Variants in PALS1 observed in about 807,000 individuals in gnomAD.
PALS1 encodes the protein protein PALS1.
A neutral mutation model predicts 78.9 loss-of-function variants in PALS1; 31 were observed. The ratio of observed to expected loss-of-function variants is 0.39; its 90% CI spans 0.30 to 0.53. PALS1 has a LOEUF of 0.53. PALS1 is among the 20% of genes least tolerant of loss of function. The pLI is 0.67. For synonymous variants in PALS1, 276 were observed against 270.9 expected (o/e 1.02, Z -0.18); for missense variants, 704 against 826.5 (o/e 0.85, Z 1.82).
chr14:67,317,028 G>A (rs964668356), intron 10 of PALS1, 125 bp downstream of exon 10: 6 of 667,172 alleles, frequency 9.0e-6, no homozygotes, highest in Non-Finnish European at 1.5e-5. Flanking sequence ...AGGCAAAACT[G>A]ATTATCTCAG....
chr14:67,329,790 T>A (rs908854752), intron 14 of PALS1, among the ~76,000 whole-genome samples: 2 of 151,836 alleles, frequency 1.3e-5, no homozygotes, highest in African/African-American at 4.8e-5. Flanking sequence ...GCCGAGTTCG[T>A]GCTACTGCAC....
intron 1 of PALS1, among the ~76,000 whole-genome samples, chr14:67,246,980 A>G (rs1440382661): frequency 6.6e-6 from 1 of 152,176 alleles, no homozygotes; most frequent in Non-Finnish European, 1.5e-5. Flanking sequence ...TCTTCACATT[A>G]GGTAATGTGA....
At chr14:67,265,456 T>C (rs1220551521) in intron 1 of PALS1, among the ~76,000 whole-genome samples, 1 of 151,848 alleles carries the variant, frequency 6.6e-6, no homozygotes, top group African/African-American at 2.4e-5. Context: ...CACAGGAGGC[T>C]GAGGTGGGAG....
At chr14:67,251,327 G>A (rs1463124372) in intron 1 of PALS1, among the ~76,000 whole-genome samples, 1 of 152,184 alleles carries the variant, frequency 6.6e-6, no homozygotes, top group Non-Finnish European at 1.5e-5. Context: ...GAGCCCAGGA[G>A]TTTGAGACCA....
intron 13 of PALS1, among the ~76,000 whole-genome samples, chr14:67,322,369 T>C (rs2085275371): frequency 1.3e-5 from 2 of 152,098 alleles, no homozygotes; most frequent in African/African-American, 2.4e-5. Context: ...CAAAAAAACC[T>C]AATTTTAGAA....
chr14:67,283,569 A>C (rs912343853), intron 3 of PALS1, among the ~76,000 whole-genome samples: 2 of 152,210 alleles, frequency 1.3e-5, no homozygotes, highest in African/African-American at 4.8e-5. Flanking sequence ...GATATTTCCA[A>C]ATAAATGTTA....
chr14:67,324,785 T>C (rs1033983077), intron 14 of PALS1, among the ~76,000 whole-genome samples: 1 of 151,832 alleles, frequency 6.6e-6, no homozygotes, highest in Non-Finnish European at 1.5e-5. Context: ...AGGGTCTCGC[T>C]ATGTTGCCAG....
At chr14:67,301,740 T>C (rs2084934913) in intron 5 of PALS1, among the ~76,000 whole-genome samples, 1 of 152,218 alleles carries the variant, frequency 6.6e-6, no homozygotes, top group Non-Finnish European at 1.5e-5. Context: ...ATCTAGGGTG[T>C]GTAGACCTTT....
At chr14:67,303,443 TA>T in intron 7 of PALS1, 78 bp from the exon 8 acceptor site, 1 of 1,148,114 alleles carries the variant, frequency 8.7e-7, no homozygotes, top group Non-Finnish European at 1.3e-6. Flanking sequence ...TAGTCCAGTT[TA>T]GGGAATATAG....
At chr14:67,251,378 C>T (rs148057866) in intron 1 of PALS1, among the ~76,000 whole-genome samples, 219 of 152,158 alleles carry the variant, frequency 1.4e-3, no homozygotes, top group Non-Finnish European at 2.5e-3. Context: ...ACAAAAAATA[C>T]GAAAATTAGC....
intron 14 of PALS1, among the ~76,000 whole-genome samples, chr14:67,324,510 A>G (rs544430683): frequency 3.3e-5 from 5 of 151,970 alleles, no homozygotes; most frequent in Admixed American, 6.6e-5. Flanking sequence ...ATGCCTTTAA[A>G]TCTCCTTAAA....
intron 2 of PALS1, among the ~76,000 whole-genome samples, chr14:67,273,297 G>T (rs1279936163): frequency 8.6e-6 from 1 of 116,084 alleles, no homozygotes; most frequent in African/African-American, 3.3e-5. Flanking sequence ...GACAGGCCCC[G>T]ATGTGTGATG....
At chr14:67,303,621 A>G (rs1437449069) in intron 8 of PALS1, 22 bp downstream of exon 8, 1 of 1,565,818 alleles carries the variant, frequency 6.4e-7, no homozygotes, top group Admixed American at 1.7e-5. Flanking sequence ...TTAAATGTTC[A>G]TTATTTATGT....
chr14:67,309,963 G>A (rs2085062545), intron 8 of PALS1, among the ~76,000 whole-genome samples: 1 of 151,150 alleles, frequency 6.6e-6, no homozygotes, highest in African/African-American at 2.4e-5. Context: ...TACAAGTGAT[G>A]CCAAAAATTC....
Position 67,335,323 on chromosome 14 carries a change from GTACAGCC to G in PALS1, c.*2368_*2374del, listed in dbSNP as rs2085513461. 1 of 152,196 alleles carries G rather than the reference GTACAGCC, an allele frequency of 6.6e-6. No homozygotes were observed. Among genetic ancestry groups the G allele is most frequent in the Non-Finnish European group, 1.5e-5 (1 of 68,048 alleles). 9.4% of individuals were successfully genotyped at this position (152,196 alleles called of 1,614,324 possible). On this transcript the variant is annotated 3_prime_UTR_variant, in exon 15 of 15. Coordinates refer to ENST00000261681, the MANE Select transcript of PALS1 (RefSeq NM_022474.4). ...AAAAAGCCTTGCTGTACACCTAGTT[GTACAGCC>G]ACTCTGGCCAATTCCATTTCCTGTC...
intron 1 of PALS1, among the ~76,000 whole-genome samples, chr14:67,243,060 T>G (rs1273981274): frequency 6.6e-6 from 1 of 152,208 alleles, no homozygotes; most frequent in Non-Finnish European, 1.5e-5. Flanking sequence ...TTATCACCCA[T>G]TCCAAGAAAT....
At chr14:67,275,926 C>T (rs999624377) in intron 2 of PALS1, among the ~76,000 whole-genome samples, 27 of 152,230 alleles carry the variant, frequency 1.8e-4, no homozygotes, top group Middle Eastern at 6.8e-3. Context: ...TTACAGTGTT[C>T]TCTGATGGTA....
intron 1 of PALS1, among the ~76,000 whole-genome samples, 180 bp from the exon 2 acceptor site, chr14:67,269,521 A>G (rs2084379471): frequency 2.6e-5 from 4 of 152,150 alleles, no homozygotes; most frequent in Admixed American, 2.6e-4. Context: ...AAATTTTTAA[A>G]TTGATGTCCA....
In PALS1 at chr14:67,334,832, CCAGTTTACGTCT is replaced by C. The variant is rs2085505905; in HGVS notation, c.*1880_*1891del. On this transcript the variant is annotated 3_prime_UTR_variant, in exon 15 of 15. Coordinates refer to ENST00000261681, the MANE Select transcript of PALS1 (RefSeq NM_022474.4). ...GCACTTACTTAATCTTTTCAGTTTT[CCAGTTTACGTCT>C]CAGGAATGAAGTGTAGTCTATGGTT... The C allele has an allele frequency of 6.6e-6, 1 of 152,196 alleles. No homozygotes were observed. The highest frequency in any genetic ancestry group is 1.5e-5 in the Non-Finnish European group (1 of 68,032). 9.4% of individuals were successfully genotyped at this position (152,196 alleles called of 1,614,324 possible). A position where few individuals can be genotyped will look rare whatever the true frequency, so the allele number is the denominator to read the frequency against.
Sources: allele counts gnomAD v4.1 joint callset (sites outside exome capture counted in the v4.1 genomes callset), GRCh38; gene constraint gnomAD v4.1.1; transcripts MANE v1.5; gene names NCBI Gene and HGNC (gene_info 2026-07-23, HGNC 2026-07-21).